DNAJA3: variants seen among roughly 807,000 people sequenced by gnomAD.
DNAJA3 encodes dnaJ homolog subfamily A member 3, mitochondrial.
In DNAJA3, 29 loss-of-function variants were observed where a neutral mutation model predicts 54.9. The ratio of observed to expected loss-of-function variants is 0.53; its 90% CI spans 0.39 to 0.72. DNAJA3 has a LOEUF of 0.72. Among genes scored for constraint, DNAJA3 ranks in the 30% least tolerant of loss-of-function variants. The pLI is 0.00. For missense variants in DNAJA3, 708 were observed against 639.4 expected, an observed-to-expected ratio of 1.11 and a Z score of -1.16; for synonymous variants, 302 against 251.4, an observed-to-expected ratio of 1.20 and a Z score of -1.90.
intron 2 of DNAJA3, 140 bp from the exon 3 acceptor site, chr16:4,437,262 C>A: frequency 1.4e-6 from 1 of 724,392 alleles, no homozygotes; most frequent in Non-Finnish European, 2.3e-6. Context: ...TGAGCCACTG[C>A]ACCCAGCCGA....
chr16:4,453,566 T>TCCTC (rs1567336196), intron 10 of DNAJA3, among the ~76,000 whole-genome samples: 2 of 152,000 alleles, frequency 1.3e-5, no homozygotes, highest in Admixed American at 6.6e-5. Flanking sequence ...GCCTCCCGAG[T>TCCTC]AGCTGGGACT....
chr16:4,426,802 T>C (rs529103865), intron 1 of DNAJA3: 1 of 152,336 alleles, frequency 6.6e-6, no homozygotes, highest in South Asian at 2.1e-4. Context: ...TACTGAGGCT[T>C]AGATGTTAAA....
chr16:4,435,312 C>T (rs891637699), intron 2 of DNAJA3, among the ~76,000 whole-genome samples: 1 of 151,840 alleles, frequency 6.6e-6, no homozygotes, highest in Non-Finnish European at 1.5e-5. Flanking sequence ...GTTCCTAGAC[C>T]CTTGGTTTGC....
At chr16:4,444,830 C>A in intron 7 of DNAJA3, 102 bp downstream of exon 7, 1 of 1,091,266 alleles carries the variant, frequency 9.2e-7, no homozygotes. Context: ...AGGAACATGT[C>A]TCGCCATTCA....
At position 4,442,434 on chromosome 16, in the gene DNAJA3, C is replaced by A; in HGVS notation, c.783+14C>A. On this transcript the variant is annotated intron_variant, in intron 5 of 11. Transcript: ENST00000262375. ...GGCTCCGGCATGGTAAGGCTCTGCC[C>A]GAGACTCCACCTCCCACGGCTTGCA... The A allele has an allele frequency of 1.3e-6, 2 of 1,572,892 alleles. No individual in the cohort carries two copies.
chr16:4,429,306 C>T (rs2056664167), intron 1 of DNAJA3, among the ~76,000 whole-genome samples: 1 of 152,216 alleles, frequency 6.6e-6, no homozygotes, highest in East Asian at 1.9e-4. Context: ...TCACCGCATC[C>T]TCCGCTTCCT....
intron 2 of DNAJA3, among the ~76,000 whole-genome samples, chr16:4,436,398 T>G (rs1251474561): frequency 6.6e-6 from 1 of 152,174 alleles, no homozygotes; most frequent in African/African-American, 2.4e-5. Context: ...AAGACTTAAT[T>G]TAGAGAACCA....
chr16:4,432,167 T>A (rs1331530249), intron 1 of DNAJA3, among the ~76,000 whole-genome samples: 1 of 149,548 alleles, frequency 6.7e-6, no homozygotes, highest in Non-Finnish European at 1.5e-5. Flanking sequence ...GTATGTCATA[T>A]AAGTTCAAGT....
chr16:4,453,728 G>A (rs151303064), intron 10 of DNAJA3, among the ~76,000 whole-genome samples: 2,135 of 152,254 alleles, frequency 0.014, 21 homozygotes, highest in Non-Finnish European at 0.021. Flanking sequence ...CACTGTGCCC[G>A]GCCTTTTCTT....
At chr16:4,441,075 G>C (rs1301744619) in intron 3 of DNAJA3, 1 of 461,290 alleles carries the variant, frequency 2.2e-6, no homozygotes, top group African/African-American at 1.9e-5. Flanking sequence ...AATCTGTGAA[G>C]AATCCAGGGT....
intron 3 of DNAJA3, among the ~76,000 whole-genome samples, chr16:4,437,923 T>C (rs1402521590): frequency 1.3e-5 from 2 of 150,888 alleles, no homozygotes; most frequent in Non-Finnish European, 2.9e-5. Flanking sequence ...GCCATAGAAC[T>C]ATGGTCTGGG....
chr16:4,425,936 C>T lies in DNAJA3; in HGVS notation c.55C>T (p.Leu19=). The part of the protein sequence containing the change: ...WLLVVVGTPR[L]PAISGRGARP... ...GCTGGTGGTTGTGGGGACCCCGCGGCTGCCGGCTATATCGGGTAGAGGGGC... is the reference window on the plus strand; with the variant it reads ...GCTGGTGGTTGTGGGGACCCCGCGGTTGCCGGCTATATCGGGTAGAGGGGC... The change falls in exon 1 of 12, where the codon CTG becomes TTG. Residue 19 remains leucine, a synonymous_variant. Transcript: ENST00000262375. The T allele has an allele frequency of 6.4e-7, 1 of 1,557,172 alleles. No homozygotes were observed. The highest frequency in any genetic ancestry group is 8.7e-7 in the Non-Finnish European group (1 of 1,152,632).
intron 3 of DNAJA3, chr16:4,440,535 G>C (rs1312253930): frequency 6.6e-6 from 1 of 150,974 alleles, no homozygotes; most frequent in East Asian, 2.0e-4. Flanking sequence ...AGGTTGCAGT[G>C]AGCCGAGATC....
At chr16:4,438,290 C>T (rs937805201) in intron 3 of DNAJA3, among the ~76,000 whole-genome samples, 5 of 151,102 alleles carry the variant, frequency 3.3e-5, no homozygotes, top group African/African-American at 1.2e-4. Flanking sequence ...GCACTCCAGC[C>T]TGGGCGACAG....
At chr16:4,451,316 T>C (rs190584914) in intron 10 of DNAJA3, among the ~76,000 whole-genome samples, 1 of 152,172 alleles carries the variant, frequency 6.6e-6, no homozygotes, top group Admixed American at 6.5e-5. Flanking sequence ...GCATGGTAAT[T>C]CGTAGCAGGT....
intron 6 of DNAJA3, 110 bp downstream of exon 6, chr16:4,443,274 G>A (rs2056859972): frequency 1.5e-6 from 2 of 1,355,208 alleles, no homozygotes; most frequent in South Asian, 1.5e-5. Flanking sequence ...CACTGAGTGT[G>A]AGTGGGCTCT....
At chr16:4,447,093 G>A (rs1035325023) in intron 8 of DNAJA3, 79 bp downstream of exon 8, 50 of 1,529,466 alleles carry the variant, frequency 3.3e-5, no homozygotes, top group Admixed American at 1.4e-4. Context: ...CTGACCAGTG[G>A]CCTGGAACCC....
intron 1 of DNAJA3, among the ~76,000 whole-genome samples, chr16:4,432,649 T>C (rs1007361507): frequency 4.6e-5 from 7 of 152,078 alleles, no homozygotes; most frequent in African/African-American, 1.7e-4. Context: ...GCCCGGCTTA[T>C]TCACTTTTTA....
intron 1 of DNAJA3, among the ~76,000 whole-genome samples, chr16:4,428,343 G>A (rs566806564): frequency 2.6e-5 from 4 of 152,182 alleles, no homozygotes; most frequent in Non-Finnish European, 5.9e-5. Context: ...AAGATGCTGG[G>A]CTTATAGGTG....
Sources: allele counts gnomAD v4.1 joint callset (sites outside exome capture counted in the v4.1 genomes callset), GRCh38; gene constraint gnomAD v4.1.1; transcripts MANE v1.5; gene names NCBI Gene and HGNC (gene_info 2026-07-23, HGNC 2026-07-21).